IYD: variants seen among roughly 807,000 people sequenced by gnomAD.
The protein encoded by IYD is iodotyrosine deiodinase, also known as iodotyrosine deiodinase 1.
In IYD, 25 loss-of-function variants were observed where a neutral mutation model predicts 28.4. The observed-to-expected ratio is 0.88, with a 90% CI of 0.64 to 1.23. The LOEUF is 1.23. IYD is among the 50% of genes most tolerant of loss of function. The probability of loss-of-function intolerance (pLI) is 0.00; values close to 1 mark genes in which losing one functional copy is unlikely to be tolerated. For missense variants in IYD, 352 were observed against 357.9 expected, an observed-to-expected ratio of 0.98 and a Z score of 0.13; for synonymous variants, 140 against 130.8, an observed-to-expected ratio of 1.07 and a Z score of -0.48.
intron 1 of IYD, among the ~76,000 whole-genome samples, chr6:150,372,329 G>T (rs1358232492): frequency 7.5e-6 from 1 of 132,522 alleles, no homozygotes; most frequent in Admixed American, 7.6e-5. Context: ...GGGTGGGGTG[G>T]GGGGTGGTGA....
chr6:150,374,671 C>A (rs528883579), intron 1 of IYD, among the ~76,000 whole-genome samples: 2 of 152,312 alleles, frequency 1.3e-5, no homozygotes, highest in South Asian at 2.1e-4. Flanking sequence ...CCCACTAGGT[C>A]CCTCCCACAA....
chr6:150,386,467 A>G (rs1294730522), intron 1 of IYD, among the ~76,000 whole-genome samples: 3 of 151,960 alleles, frequency 2.0e-5, no homozygotes, highest in Admixed American at 6.6e-5. Context: ...TTTCTGGTCC[A>G]ATAAGTCTGC....
intron 4 of IYD, chr6:150,396,702 G>A (rs1778330296): frequency 3.4e-6 from 1 of 295,534 alleles, no homozygotes; most frequent in Middle Eastern, 1.0e-3. Flanking sequence ...GTGAAACCCG[G>A]CCTTTACTAA....
At chr6:150,380,780 C>T (rs1252179223) in intron 1 of IYD, among the ~76,000 whole-genome samples, 2 of 152,168 alleles carry the variant, frequency 1.3e-5, no homozygotes, top group East Asian at 3.9e-4. Context: ...CTCTCACTTC[C>T]CAACTCCTCA....
At chr6:150,372,310 T>C (rs1420891847) in intron 1 of IYD, among the ~76,000 whole-genome samples, 31 of 128,318 alleles carry the variant, frequency 2.4e-4, no homozygotes, top group Non-Finnish European at 4.4e-4. Context: ...TTATTAGACA[T>C]GTGTGTGTGG....
chr6:150,369,277 G>C, intron 1 of IYD, 68 bp downstream of exon 1: 1 of 1,490,904 alleles, frequency 6.7e-7, no homozygotes, highest in Non-Finnish European at 9.2e-7. Flanking sequence ...TGAGTCAATG[G>C]CAGGGCTTAT....
rs1411721982 is a variant in IYD, at chr6:150,392,357, G to C, written c.383G>C (p.Ser128Thr). ...NVIRTAGTAP[S>T]GAHTEPWTFV... is the part of the protein sequence containing the mutation. ...GAATGGGTGACAGGAACAGCCCCGA[G>C]TGGGGCTCACACAGAGCCCTGGACC... The change falls in exon 3 of 5, where the codon AGT becomes ACT. Residue 128 changes from serine to threonine, a missense_variant. Coordinates refer to ENST00000344419, the MANE Select transcript of IYD (RefSeq NM_203395.3). 1 of 1,613,332 alleles carries C rather than the reference G, an allele frequency of 6.2e-7. No homozygotes were observed. The highest frequency in any genetic ancestry group is 2.2e-5 in the East Asian group (1 of 44,886).
intron 4 of IYD, among the ~76,000 whole-genome samples, chr6:150,397,236 G>A (rs1778355585): frequency 6.6e-6 from 1 of 152,062 alleles, no homozygotes; most frequent in East Asian, 1.9e-4. Flanking sequence ...ACAAATCATA[G>A]ATTCCAGGCA....
At position 150,380,214 on chromosome 6, in the gene IYD, G is replaced by T. The variant is rs116459460; in HGVS notation, c.179-9138G>T. Among the ~76,000 whole-genome samples, 164 of 152,172 alleles carry T rather than the reference G, an allele frequency of 1.1e-3. 1 individual carries two copies. Among genetic ancestry groups the T allele is most frequent in the African/African-American group, 3.9e-3 (160 of 41,528 alleles). ...CATTATACATAGTATTTGGTGTTTT[G>T]CAAATTACAATTGTAACCTGAAAAC... On this transcript the variant is annotated intron_variant, in intron 1 of 4. Transcript: ENST00000344419.
chr6:150,372,281 G>A (rs1002191335), intron 1 of IYD, among the ~76,000 whole-genome samples: 2 of 150,870 alleles, frequency 1.3e-5, no homozygotes, highest in African/African-American at 4.9e-5. Flanking sequence ...GGTGGTGAGG[G>A]GTCATTGTGT....
intron 1 of IYD, among the ~76,000 whole-genome samples, chr6:150,388,642 T>TCTTTC (rs1777978826): frequency 1.8e-5 from 1 of 55,212 alleles, no homozygotes; most frequent in African/African-American, 4.1e-5. Flanking sequence ...TTTCTTTCTT[T>TCTTTC]CTTTCTTTCT....
In IYD at chr6:150,369,870, G is replaced by C. The variant is rs1324217233; in HGVS notation, c.178+661G>C. On this transcript the variant is annotated intron_variant, in intron 1 of 4. Coordinates refer to ENST00000344419, the MANE Select transcript of IYD (RefSeq NM_203395.3). ...TGTCAGGCAACAAGGAGCCAAAGGA[G>C]CAGAAGCACCTGGAGGCCTGGGGCA... 4 of 668,358 alleles carry C rather than the reference G, an allele frequency of 6.0e-6. No individual in the cohort carries two copies. The East Asian group carries it at 8.1e-5, about 14-fold the overall frequency. The allele number at this position is 668,358 out of a possible 1,614,324, so 41.4% of individuals were successfully genotyped here. A position where few individuals can be genotyped will look rare whatever the true frequency, so the allele number is the denominator to read the frequency against.
intron 1 of IYD, among the ~76,000 whole-genome samples, chr6:150,375,465 G>A (rs1245747437): frequency 6.6e-6 from 1 of 152,154 alleles, no homozygotes; most frequent in Non-Finnish European, 1.5e-5. Context: ...TTAAATAAAA[G>A]CCTTATGATC....
rs1491561126 is a variant in IYD at position 150,372,369 on chromosome 6, CAT to C, written c.178+3161_178+3162del. On this transcript the variant is annotated intron_variant, in intron 1 of 4. Transcript: ENST00000344419. ...ACATTGTGTGTCCATGCTTATTAGA[CAT>C]GTGTGTGTGGGGGTGGGGTGGGGAG... Among the ~76,000 whole-genome samples the C allele has an allele frequency of 1.4e-3, 110 of 80,402 alleles. 1 individual carries two copies. The highest frequency in any genetic ancestry group is 1.8e-3 in the African/African-American group (42 of 23,622). 52.7% of individuals were successfully genotyped at this position (80,402 alleles called of 152,430 possible).
At chr6:150,383,815 CAAAAA>C (rs1419233406) in intron 1 of IYD, among the ~76,000 whole-genome samples, 95 of 36,120 alleles carry the variant, frequency 2.6e-3, no homozygotes, top group Non-Finnish European at 5.0e-3. Context: ...AAAACAAAAA[CAAAAA>C]CAAAAAAAAT....
At chr6:150,370,528 T>G (rs1777203086) in intron 1 of IYD, 1 of 985,466 alleles carries the variant, frequency 1.0e-6, no homozygotes, top group Non-Finnish European at 1.2e-6. Flanking sequence ...TAGTGCTGAC[T>G]GCACCGTACA....
chr6:150,388,672 T>TTTCTTTC (rs1777990330), intron 1 of IYD, among the ~76,000 whole-genome samples: 1 of 143,662 alleles, frequency 7.0e-6, no homozygotes, highest in African/African-American at 2.5e-5. Context: ...TCTTTCTTTC[T>TTTCTTTC]TTCTTTCTTT....
chr6:150,396,060 GTCGTAGCTC>G, intron 4 of IYD: 1 of 234,578 alleles, frequency 4.3e-6, no homozygotes, highest in Non-Finnish European at 8.3e-6. Flanking sequence ...CCAAGAGCTA[GTCGTAGCTC>G]TATAATTTTA....
chr6:150,395,988 A>C, intron 4 of IYD: 1 of 356,116 alleles, frequency 2.8e-6, no homozygotes, highest in Non-Finnish European at 5.1e-6. Flanking sequence ...TAGTCATAGG[A>C]ACTTGCCGTG....
Sources: gnomAD v4.1 joint callset for allele counts (sites outside exome capture counted in the v4.1 genomes callset) on GRCh38, gnomAD v4.1.1 for gene constraint, MANE v1.5 for transcripts, NCBI Gene and HGNC (gene_info 2026-07-23, HGNC 2026-07-21) for gene names.